The following ZNF391 variants were observed in gnomAD, a reference collection of about 807,000 sequenced individuals.
ZNF391 encodes zinc finger protein 391.
For missense variants in ZNF391, 375 were observed against 425.5 expected (o/e 0.88, Z 1.04); for synonymous variants, 126 against 142.1 (o/e 0.89, Z 0.80).
At chr6:27,381,253 G>A (rs892459227) in intron 1 of ZNF391, among the ~76,000 whole-genome samples, 37 of 152,230 alleles carry the variant, frequency 2.4e-4, no homozygotes, top group African/African-American at 8.7e-4. Flanking sequence ...CGAGCGCAGC[G>A]CCGGTGGGCT....
Position 27,403,331 on chromosome 6 carries a change from T to G in ZNF391, c.*1884T>G, listed in dbSNP as rs1008316479. Reference sequence around the variant, plus strand: ...ACTTTTCTTCTTTTCAAACTGTTCCTTGGCACTTCTACATGTCCTACTTTC... The same window carrying G: ...ACTTTTCTTCTTTTCAAACTGTTCCGTGGCACTTCTACATGTCCTACTTTC... On this transcript the variant is annotated 3_prime_UTR_variant, in exon 3 of 3. Coordinates refer to ENST00000244576, the MANE Select transcript of ZNF391 (RefSeq NM_001076781.3). The G allele has an allele frequency of 3.9e-5, 6 of 152,220 alleles. No homozygotes were observed. The highest frequency in any genetic ancestry group is 1.4e-4 in the African/African-American group (6 of 41,452). 9.4% of individuals were successfully genotyped at this position (152,220 alleles called of 1,614,324 possible).
At chr6:27,381,052 C>T (rs1024097369) in intron 1 of ZNF391, among the ~76,000 whole-genome samples, 14 of 152,268 alleles carry the variant, frequency 9.2e-5, no homozygotes, top group East Asian at 5.8e-4. Context: ...CTGCCAGTCC[C>T]GCGCCGTGCG....
upstream of ZNF391, among the ~76,000 whole-genome samples, chr6:27,384,597 TAAC>T (rs1328905463): frequency 1.3e-5 from 2 of 152,060 alleles, no homozygotes; most frequent in African/African-American, 4.8e-5. Flanking sequence ...CTCAAAATAA[TAAC>T]AATAATGTAT....
chr6:27,400,746 G>A lies in ZNF391; in HGVS notation c.376G>A (p.Val126Ile), dbSNP rs1761933601. Residue 126 changes from valine to isoleucine, a missense_variant, in exon 3 of 3, where the codon GTA (valine) becomes ATA (isoleucine). By Grantham distance (29) the Val-to-Ile change is conservative (BLOSUM62 3). Transcript: ENST00000244576. Reference sequence around the variant, plus strand: ...CTTTAGTTACCAATCAGACCTTCTTGTACACAGTAGAATTCATGGTGGAGA... The same window carrying A: ...CTTTAGTTACCAATCAGACCTTCTTATACACAGTAGAATTCATGGTGGAGA... ...KAFSYQSDLL[V>I]HSRIHGGEKP... is the part of the protein sequence containing the mutation. The A allele has an allele frequency of 1.1e-5, 17 of 1,614,072 alleles. No individual in the cohort carries two copies. Among genetic ancestry groups the A allele is most frequent in the Non-Finnish European group, 1.4e-5 (17 of 1,180,040 alleles).
At position 27,400,280 on chromosome 6, in the gene ZNF391, A is replaced by C; in HGVS notation, c.-78-13A>C. The C allele has an allele frequency of 9.6e-7, 1 of 1,042,916 alleles. No individual in the cohort carries two copies. The highest frequency in any genetic ancestry group is 1.4e-6 in the Non-Finnish European group (1 of 707,712). 64.6% of individuals were successfully genotyped at this position (1,042,916 alleles called of 1,614,324 possible). On this transcript the variant is annotated splice_polypyrimidine_tract_variant and intron_variant, in intron 2 of 2. Transcript: ENST00000244576. ...TAGATACAGATGACATTTACACTTTAAATGTCTTTCAGATAGGGGGATTTG... is the reference window on the plus strand; with the variant it reads ...TAGATACAGATGACATTTACACTTTCAATGTCTTTCAGATAGGGGGATTTG...
chr6:27,375,177 G>C (rs1761396837), intron 1 of ZNF391: 1 of 152,296 alleles, frequency 6.6e-6, no homozygotes, highest in Non-Finnish European at 1.5e-5. Context: ...GGAGGAGCCC[G>C]CTGAGAAAGG....
rs1761933051 is a variant in ZNF391 at position 27,400,724 on chromosome 6, T to C, written c.354T>C (p.Phe118=). 5.0e-6 allele frequency: 8 copies of C among 1,614,002 alleles called. No individual in the cohort carries two copies. The highest frequency in any genetic ancestry group is 6.8e-6 in the Non-Finnish European group (8 of 1,179,988). Residue 118 remains phenylalanine (F), a synonymous_variant, in exon 3 of 3, where the codon TTT becomes TTC. Coordinates refer to ENST00000244576, the MANE Select transcript of ZNF391 (RefSeq NM_001076781.3). ...PCKCNECEKA[F]SYQSDLLVHS... ...AATGCAATGAATGTGAAAAAGCCTT[T>C]AGTTACCAATCAGACCTTCTTGTAC...
chr6:27,388,961 C>G lies in ZNF391; in HGVS notation c.-302C>G. ...GGTTTCTCTTTAATCCTTCCGACTT[C>G]CCCAAGCCCAGCGCACTCAGGTTCC... is the stretch of plus-strand genomic sequence containing the variant. On this transcript the variant is annotated 5_prime_UTR_variant, in exon 1 of 3. Transcript: ENST00000244576. 1 of 456,456 alleles carries G rather than the reference C, an allele frequency of 2.2e-6. No homozygotes were observed. The highest frequency in any genetic ancestry group is 4.4e-6 in the Non-Finnish European group (1 of 226,906). The allele number at this position is 456,456 out of a possible 1,614,324, so 28.3% of individuals were successfully genotyped here.
chr6:27,380,396 A>G (rs1193309677), intron 1 of ZNF391, among the ~76,000 whole-genome samples: 1 of 151,256 alleles, frequency 6.6e-6, no homozygotes, highest in Non-Finnish European at 1.5e-5. Context: ...GCACGTCTAG[A>G]GTTGTTCGTT....
chr6:27,375,131 C>T (rs1761395868), exon 1 of ZNF391: 1 of 152,300 alleles, frequency 6.6e-6, no homozygotes, highest in African/African-American at 2.4e-5. Context: ...GCCTACCCAC[C>T]TATCAGGTAA....
At chr6:27,388,283 T>C (rs1450734594), upstream of ZNF391, among the ~76,000 whole-genome samples, 3 of 152,162 alleles carry the variant, frequency 2.0e-5, no homozygotes, top group Admixed American at 1.3e-4. Context: ...CCTGATTTTA[T>C]TCATTTTTTT....
chr6:27,389,370 G>C (rs1239453270), intron 1 of ZNF391: 5 of 455,384 alleles, frequency 1.1e-5, no homozygotes, highest in Admixed American at 2.4e-5. Context: ...TCGGTACTGG[G>C]GTGTTTCCCA....
intron 1 of ZNF391, among the ~76,000 whole-genome samples, chr6:27,380,313 A>G (rs1344314449): frequency 6.6e-6 from 1 of 151,100 alleles, no homozygotes; most frequent in Admixed American, 6.6e-5. Flanking sequence ...TCCTCCTTCT[A>G]GTGGGTGCAT....
Position 27,388,903 on chromosome 6 carries a change from C to T in ZNF391, c.-360C>T, listed in dbSNP as rs1761633597. ...AAGAGTGCCTGTGATCTTAGGGAAC[C>T]TGATGGGCGTTGGAGCAGCGGTTCG... On this transcript the variant is annotated 5_prime_UTR_variant, in exon 1 of 3. Transcript: ENST00000244576. The T allele has an allele frequency of 2.2e-6, 1 of 456,288 alleles. No individual in the cohort carries two copies. Among genetic ancestry groups the T allele is most frequent in the African/African-American group, 2.0e-5 (1 of 50,060 alleles). 28.3% of individuals were successfully genotyped at this position (456,288 alleles called of 1,614,324 possible).
At chr6:27,392,706 GT>G (rs902445693) in intron 1 of ZNF391, among the ~76,000 whole-genome samples, 10 of 152,216 alleles carry the variant, frequency 6.6e-5, no homozygotes, top group Non-Finnish European at 1.0e-4. Context: ...GTGGAGTTTA[GT>G]TTCTTGGCCA....
At chr6:27,394,489 A>G (rs1042673918) in intron 1 of ZNF391, among the ~76,000 whole-genome samples, 6 of 152,198 alleles carry the variant, frequency 3.9e-5, no homozygotes, top group African/African-American at 9.7e-5. Flanking sequence ...CTCTGCCTAG[A>G]GTTAAGAGGA....
chr6:27,380,670 T>C (rs1257058622), intron 1 of ZNF391, among the ~76,000 whole-genome samples: 3 of 152,008 alleles, frequency 2.0e-5, no homozygotes, highest in Admixed American at 6.6e-5. Context: ...CGCTTTTTGG[T>C]GCGTTTGCAA....
rs191280398 is a variant in ZNF391 at position 27,391,287 on chromosome 6, C to T, written c.-188+2212C>T. 4.7e-5 allele frequency among the ~76,000 whole-genome samples: 7 copies of T among 149,992 alleles called. 1 individual carries two copies. The East Asian group carries it at 1.2e-3, about 25-fold the overall frequency. On this transcript the variant is annotated intron_variant, in intron 1 of 2. Coordinates refer to ENST00000244576, the MANE Select transcript of ZNF391 (RefSeq NM_001076781.3). ...TGGTACTATCTTGGCTCACTGCAAC[C>T]TCCGCCTGCTGGGTTCAAGCGATTC...
chr6:27,392,298 C>T (rs1173295411), intron 1 of ZNF391, among the ~76,000 whole-genome samples: 1 of 152,110 alleles, frequency 6.6e-6, no homozygotes, highest in African/African-American at 2.4e-5. Flanking sequence ...CTCTGTCGCC[C>T]AGGCCAGAGT....
Sources: gnomAD v4.1 joint callset for allele counts (sites outside exome capture counted in the v4.1 genomes callset) on GRCh38, gnomAD v4.1.1 for gene constraint, MANE v1.5 for transcripts, NCBI Gene and HGNC (gene_info 2026-07-23, HGNC 2026-07-21) for gene names.